Variants in PKHD1 observed in about 807,000 individuals in gnomAD.
PKHD1 encodes PKHD1 ciliary IPT domain containing fibrocystin/polyductin.
PKHD1 carries 291 observed loss-of-function variants against 412.0 expected under a neutral mutation model. That is an observed-to-expected ratio of 0.71 (90% CI 0.64 to 0.78). The LOEUF is 0.78. PKHD1 is among the 30% of genes least tolerant of loss of function. PKHD1 has a pLI of 0.00. For synonymous variants in PKHD1, 1,777 were observed against 1,821.5 expected (o/e 0.98, Z 0.62); for missense variants, 4,825 against 4,950.7 (o/e 0.97, Z 0.76).
intron 35 of PKHD1, among the ~76,000 whole-genome samples, chr6:51,991,934 A>C (rs1349719745): frequency 6.6e-6 from 1 of 152,182 alleles, no homozygotes; most frequent in Non-Finnish European, 1.5e-5. Context: ...TAGATACTGA[A>C]ATTAGGAGTT....
intron 60 of PKHD1, among the ~76,000 whole-genome samples, chr6:51,680,901 T>C (rs1776566745): frequency 6.6e-6 from 1 of 151,906 alleles, no homozygotes; most frequent in Non-Finnish European, 1.5e-5. Flanking sequence ...AAAAAAAACA[T>C]ATGCCTTTAT....
intron 6 of PKHD1, among the ~76,000 whole-genome samples, chr6:52,073,948 A>G (rs1167159320): frequency 6.6e-6 from 1 of 152,188 alleles, no homozygotes; most frequent in Non-Finnish European, 1.5e-5. Context: ...TGGGTGCTCC[A>G]GGCTTCATGA....
chr6:51,874,144 C>T (rs2151800077), intron 46 of PKHD1, among the ~76,000 whole-genome samples: 1 of 152,312 alleles, frequency 6.6e-6, no homozygotes, highest in South Asian at 2.1e-4. Flanking sequence ...AATGAAGCAA[C>T]TCCATCAGCA....
chr6:51,710,575 C>G (rs953686665), intron 60 of PKHD1, among the ~76,000 whole-genome samples: 3 of 152,072 alleles, frequency 2.0e-5, no homozygotes, highest in Non-Finnish European at 2.9e-5. Context: ...TTCCTTTTCA[C>G]TTCTCTAAAT....
intron 41 of PKHD1, among the ~76,000 whole-genome samples, chr6:51,904,575 G>T (rs1562583982): frequency 6.6e-6 from 1 of 152,108 alleles, no homozygotes; most frequent in Non-Finnish European, 1.5e-5. Context: ...AAGTATCTAG[G>T]CTTCCTCATG....
chr6:51,909,023 T>C lies in PKHD1; in HGVS notation c.6682+260A>G, dbSNP rs192458197. ...ACTGCCTGTTCCAGAATCAAAAGGT[T>C]TGTATTTAAAATACACATTCCTAAG... On this transcript the variant is annotated intron_variant, in intron 40 of 66. Transcript: ENST00000371117. 1.3e-3 allele frequency among the ~76,000 whole-genome samples: 199 copies of C among 152,266 alleles called. 2 individuals are homozygous for C. Among genetic ancestry groups the C allele is most frequent in the African/African-American group, 4.6e-3 (190 of 41,564 alleles).
At position 51,915,535 on chromosome 6, in the gene PKHD1, CA is replaced by C. The variant is rs531718878; in HGVS notation, c.6122-2960del. 9.2e-5 allele frequency among the ~76,000 whole-genome samples: 14 copies of C among 152,150 alleles called. No homozygotes were observed. In the East Asian group the frequency reaches 2.7e-3, roughly 29 times the overall value. On this transcript the variant is annotated intron_variant, in intron 37 of 66. Transcript: ENST00000371117. ...AATACATCCTGAATGCATAAAATCA[CA>C]AATGAGACAGAGAAACAAGCACCCC...
At chr6:51,633,559 A>G (rs772211567) in intron 64 of PKHD1, among the ~76,000 whole-genome samples, 6 of 152,168 alleles carry the variant, frequency 3.9e-5, no homozygotes, top group Non-Finnish European at 5.9e-5. Context: ...GAAAAAGGAA[A>G]AGAAACAAAC....
chr6:51,815,356 C>T (rs999068766), intron 52 of PKHD1, among the ~76,000 whole-genome samples: 1 of 151,900 alleles, frequency 6.6e-6, no homozygotes, highest in African/African-American at 2.4e-5. Context: ...AGGAACCCAG[C>T]GGAAGGAGAA....
rs752223027 is a variant in PKHD1 at position 52,069,446 on chromosome 6, G to C, written c.778+11C>G. ...ACAAGGGAAGGGGTACTTGGTGAAGGGGGATAGTACCTGAGTGTGTCTGGT... is the reference window on the plus strand; with the variant it reads ...ACAAGGGAAGGGGTACTTGGTGAAGCGGGATAGTACCTGAGTGTGTCTGGT... On this transcript the variant is annotated intron_variant, in intron 11 of 66. Transcript: ENST00000371117. 6.3e-7 allele frequency: 1 copy of C among 1,591,160 alleles called. No homozygotes were observed. Among genetic ancestry groups the C allele is most frequent in the Non-Finnish European group, 8.6e-7 (1 of 1,159,018 alleles).
intron 36 of PKHD1, among the ~76,000 whole-genome samples, chr6:51,950,220 A>AAACATATATAT: frequency 1.0e-5 from 1 of 98,328 alleles, no homozygotes; most frequent in Non-Finnish European, 2.0e-5. Flanking sequence ...GAAAAAAAAA[A>AAACATATATAT]ATATATATAT....
intron 50 of PKHD1, among the ~76,000 whole-genome samples, chr6:51,842,867 G>C (rs769369016): frequency 6.6e-6 from 1 of 152,168 alleles, no homozygotes; most frequent in Non-Finnish European, 1.5e-5. Context: ...CAAGAGGTGG[G>C]GGAAACCCAC....
rs919930150 is a variant in PKHD1, at chr6:51,832,149, T to C, written c.8174-1160A>G. ...TGCCTCCAAGGAGCTGATAGTGTTATATCAGTATTAGGAGGATAAAAACTC... is the reference window on the plus strand; with the variant it reads ...TGCCTCCAAGGAGCTGATAGTGTTACATCAGTATTAGGAGGATAAAAACTC... On this transcript the variant is annotated intron_variant, in intron 51 of 66. Coordinates refer to ENST00000371117, the MANE Select transcript of PKHD1 (RefSeq NM_138694.4). 3.3e-5 allele frequency among the ~76,000 whole-genome samples: 5 copies of C among 152,236 alleles called. No homozygotes were observed. The East Asian group carries it at 9.7e-4, about 29-fold the overall frequency.
chr6:51,942,799 A>G (rs975295588), intron 36 of PKHD1, among the ~76,000 whole-genome samples: 8 of 151,484 alleles, frequency 5.3e-5, no homozygotes, highest in Non-Finnish European at 1.2e-4. Context: ...TTTACTTTCC[A>G]TCGTGGAAAT....
At chr6:51,826,290 G>T (rs1056333026) in intron 52 of PKHD1, among the ~76,000 whole-genome samples, 1 of 152,060 alleles carries the variant, frequency 6.6e-6, no homozygotes, top group African/African-American at 2.4e-5. Flanking sequence ...TATTATAAAA[G>T]AAAAACAGTA....
At chr6:51,699,920 A>AGTGTGTTTGTGTGTGTGTGTGTGT in intron 60 of PKHD1, among the ~76,000 whole-genome samples, 1 of 137,904 alleles carries the variant, frequency 7.3e-6, no homozygotes, top group South Asian at 2.5e-4. Context: ...ATATATATGG[A>AGTGTGTTTGTGTGTGTGTGTGTGT]GTGTGTGTGT....
Position 52,072,131 on chromosome 6 carries a change from T to C in PKHD1, c.586A>G (p.Arg196Gly). ...KWVTPCSLIN[R>G]QMGSCYPIQE... ...GACACTCACCAGCTTCCCATCTGCC[T>C]ATTTATAAGAGAGCAAGGAGTAACC... The change falls in exon 8 of 67, where the codon AGG becomes GGG. Residue 196 changes from arginine (R) to glycine (G), a missense_variant. By Grantham distance (125) the Arg-to-Gly change is moderately radical (BLOSUM62 -2). Transcript: ENST00000371117. The C allele has an allele frequency of 1.2e-6, 2 of 1,605,044 alleles. No individual in the cohort carries two copies. Among genetic ancestry groups the C allele is most frequent in the Non-Finnish European group, 1.7e-6 (2 of 1,171,766 alleles).
chr6:51,680,830 G>T (rs1035739693), intron 60 of PKHD1, among the ~76,000 whole-genome samples: 1 of 151,940 alleles, frequency 6.6e-6, no homozygotes, highest in Non-Finnish European at 1.5e-5. Flanking sequence ...ATAAATGAAC[G>T]GTTAACGTTT....
rs374607403 is a variant in PKHD1 at position 51,650,233 on chromosome 6, C to T, written c.11175-1013G>A. ...GTAAAACATATTTCACTCAGAGTTT[C>T]GGTATTTTTGATGACAGAGCCTGCT... On this transcript the variant is annotated intron_variant, in intron 61 of 66. Coordinates refer to ENST00000371117, the MANE Select transcript of PKHD1 (RefSeq NM_138694.4). Among the ~76,000 whole-genome samples the T allele has an allele frequency of 1.9e-3, 292 of 152,168 alleles. 1 individual carries two copies. The highest frequency in any genetic ancestry group is 6.5e-3 in the African/African-American group (271 of 41,546).
Sources: allele counts gnomAD v4.1 joint callset (sites outside exome capture counted in the v4.1 genomes callset), GRCh38; gene constraint gnomAD v4.1.1; transcripts MANE v1.5; gene names NCBI Gene and HGNC (gene_info 2026-07-23, HGNC 2026-07-21).